R3HDM1: variants seen among roughly 807,000 people sequenced by gnomAD.
R3HDM1 encodes R3H domain containing 1, also known as R3H domain-containing protein 1.
R3HDM1 carries 46 observed loss-of-function variants against 141.1 expected under a neutral mutation model. That is an observed-to-expected ratio of 0.33 (90% CI 0.26 to 0.42). The LOEUF (loss-of-function observed/expected upper bound fraction) is 0.42, where lower values mean the gene tolerates loss of function less well. R3HDM1 is among the 10% of genes least tolerant of loss of function. The pLI, the probability that R3HDM1 is intolerant of heterozygous loss-of-function variation, is 1.00. For missense variants in R3HDM1, 1,184 were observed against 1,368.3 expected (o/e 0.87, Z 2.12); for synonymous variants, 435 against 472.9 (o/e 0.92, Z 1.04).
chr2:135,699,041 AGAT>A (rs1274623146), intron 21 of R3HDM1, among the ~76,000 whole-genome samples: 8 of 67,962 alleles, frequency 1.2e-4, no homozygotes, highest in African/African-American at 4.3e-4. Context: ...ATAGATAGAT[AGAT>A]AAGATAGATA....
chr2:135,555,805 C>G (rs1358728130), intron 1 of R3HDM1, among the ~76,000 whole-genome samples: 2 of 152,096 alleles, frequency 1.3e-5, no homozygotes, highest in Non-Finnish European at 2.9e-5. Flanking sequence ...GCGGGAGGAT[C>G]CCTTGTGTCC....
At chr2:135,644,102 C>T (rs2105256266) in intron 15 of R3HDM1, among the ~76,000 whole-genome samples, 1 of 152,168 alleles carries the variant, frequency 6.6e-6, no homozygotes, top group South Asian at 2.1e-4. Context: ...AAAGTGAAAT[C>T]ACACACACAC....
chr2:135,649,675 TCTC>T (rs1475821014), intron 16 of R3HDM1, among the ~76,000 whole-genome samples: 1 of 152,230 alleles, frequency 6.6e-6, no homozygotes, highest in Non-Finnish European at 1.5e-5. Context: ...AAAAAATTAT[TCTC>T]CTAATTATGT....
At chr2:135,579,607 G>GGGGGA in intron 1 of R3HDM1, among the ~76,000 whole-genome samples, 1 of 148,856 alleles carries the variant, frequency 6.7e-6, no homozygotes, top group African/African-American at 2.6e-5. Flanking sequence ...GGGGGGGGTG[G>GGGGGA]AAATGGCAGA....
At chr2:135,687,060 A>AT (rs1448578264) in intron 21 of R3HDM1, among the ~76,000 whole-genome samples, 1 of 152,100 alleles carries the variant, frequency 6.6e-6, no homozygotes, top group Non-Finnish European at 1.5e-5. Context: ...CTAGCCGGGC[A>AT]TGGTGGTGCC....
At chr2:135,706,164 G>C (rs1187582694) in intron 21 of R3HDM1, among the ~76,000 whole-genome samples, 2 of 151,614 alleles carry the variant, frequency 1.3e-5, no homozygotes, top group Non-Finnish European at 2.9e-5. Context: ...GAAACCTGTG[G>C]GATATCCTAT....
chr2:135,596,188 G>A (rs75970177), intron 1 of R3HDM1, among the ~76,000 whole-genome samples: 1 of 152,164 alleles, frequency 6.6e-6, no homozygotes, highest in East Asian at 1.9e-4. Context: ...AGTAGAGACA[G>A]GGTTTCACCA....
chr2:135,640,112 A>T (rs2063643268), intron 14 of R3HDM1, among the ~76,000 whole-genome samples: 1 of 152,078 alleles, frequency 6.6e-6, no homozygotes, highest in South Asian at 2.1e-4. Context: ...AAAAAAAAAA[A>T]AAGGAAAAGA....
At chr2:135,636,020 A>T (rs2063210177) in intron 10 of R3HDM1, 22 bp downstream of exon 10, 4 of 1,609,112 alleles carry the variant, frequency 2.5e-6, no homozygotes, top group Non-Finnish European at 3.4e-6. Context: ...CAATTGTAGG[A>T]TTTGTATAGG....
chr2:135,533,847 TG>T, intron 1 of R3HDM1: 1 of 329,608 alleles, frequency 3.0e-6, no homozygotes. Context: ...AACTCCAGTC[TG>T]GGCAACAAGA....
chr2:135,677,925 T>G (rs969149045), intron 20 of R3HDM1, among the ~76,000 whole-genome samples: 9 of 152,040 alleles, frequency 5.9e-5, no homozygotes, highest in African/African-American at 2.2e-4. Flanking sequence ...GTCGGTCGCT[T>G]GCTCTCTCTC....
chr2:135,699,074 AT>A (rs573711222), intron 21 of R3HDM1, among the ~76,000 whole-genome samples: 2,188 of 35,484 alleles, frequency 0.062, 79 homozygotes, highest in African/African-American at 0.11. Context: ...GATTAGATAG[AT>A]TAGATAGATA....
At chr2:135,593,226 G>A (rs1709754466) in intron 1 of R3HDM1, among the ~76,000 whole-genome samples, 1 of 151,976 alleles carries the variant, frequency 6.6e-6, no homozygotes, top group Non-Finnish European at 1.5e-5. Context: ...AGCCCTGTGT[G>A]TAGTCTTTAA....
chr2:135,635,785 TG>T, intron 9 of R3HDM1, 104 bp from the exon 10 acceptor site: 3 of 1,384,702 alleles, frequency 2.2e-6, no homozygotes, highest in Non-Finnish European at 2.9e-6. Flanking sequence ...CACTAAAAAG[TG>T]GTAACTTATT....
chr2:135,647,017 G>A (rs2064531969), intron 16 of R3HDM1, among the ~76,000 whole-genome samples: 1 of 152,048 alleles, frequency 6.6e-6, no homozygotes, highest in Non-Finnish European at 1.5e-5. Flanking sequence ...TGGTGTGAAA[G>A]TCATAAAAAA....
intron 18 of R3HDM1, chr2:135,656,676 T>G (rs535000670): frequency 6.6e-6 from 1 of 152,322 alleles, no homozygotes; most frequent in East Asian, 1.9e-4. Flanking sequence ...TCAAGTAAAA[T>G]GTAGCAGCCT....
At chr2:135,647,595 T>A (rs1450290098) in intron 16 of R3HDM1, among the ~76,000 whole-genome samples, 1 of 152,190 alleles carries the variant, frequency 6.6e-6, no homozygotes, top group Non-Finnish European at 1.5e-5. Flanking sequence ...CATAACTTAT[T>A]TTTCTAGCAT....
chr2:135,617,736 T>C (rs2061170257), intron 5 of R3HDM1, among the ~76,000 whole-genome samples: 1 of 152,230 alleles, frequency 6.6e-6, no homozygotes, highest in Non-Finnish European at 1.5e-5. Flanking sequence ...AATGTTTATC[T>C]TGTGATAACT....
chr2:135,569,212 C>T (rs1357424110), intron 1 of R3HDM1, among the ~76,000 whole-genome samples: 2 of 152,072 alleles, frequency 1.3e-5, no homozygotes, highest in African/African-American at 2.4e-5. Context: ...CTGCCAGGCA[C>T]GGCAGCTCAT....
Sources: gnomAD v4.1 joint callset for allele counts (sites outside exome capture counted in the v4.1 genomes callset) on GRCh38, gnomAD v4.1.1 for gene constraint, MANE v1.5 for transcripts, NCBI Gene and HGNC (gene_info 2026-07-23, HGNC 2026-07-21) for gene names.